The following FARS2 variants were observed in gnomAD, a reference collection of about 807,000 sequenced individuals.
FARS2 encodes the protein phenylalanyl-tRNA synthetase 2, mitochondrial, also known as phenylalanine--tRNA ligase, mitochondrial.
A neutral mutation model predicts 46.4 loss-of-function variants in FARS2; 40 were observed. The observed-to-expected ratio is 0.86, with a 90% CI of 0.67 to 1.12. FARS2 has a LOEUF of 1.12. Among genes scored for constraint, FARS2 ranks in the 50% most tolerant of loss-of-function variants. FARS2 has a pLI of 0.00. For missense variants in FARS2, 513 were observed against 567.9 expected (o/e 0.90, Z 0.98); for synonymous variants, 234 against 214.9 (o/e 1.09, Z -0.78).
At chr6:5,411,656 G>A (rs891474295) in intron 3 of FARS2, among the ~76,000 whole-genome samples, 1 of 152,178 alleles carries the variant, frequency 6.6e-6, no homozygotes, top group African/African-American at 2.4e-5. Context: ...CCTTGTGGCA[G>A]TATGTTATTA....
the FARS2 span, among the ~76,000 whole-genome samples, chr6:5,254,374 G>A: frequency 4.7e-3 from 717 of 152,288 alleles, 2 homozygotes; most frequent in African/African-American, 0.015. Flanking sequence ...GTAGAATCCC[G>A]AAGCACGGAT....
chr6:5,570,946 A>G (rs112836695), intron 5 of FARS2, among the ~76,000 whole-genome samples: 157 of 152,358 alleles, frequency 1.0e-3, no homozygotes, highest in Non-Finnish European at 2.0e-3. Flanking sequence ...AATAATTTCC[A>G]TTTATCATCT....
chr6:5,742,162 A>G (rs1761384546), intron 6 of FARS2, among the ~76,000 whole-genome samples: 1 of 152,152 alleles, frequency 6.6e-6, no homozygotes, highest in Admixed American at 6.5e-5. Context: ...CTGCTCCTAC[A>G]TTCTTTCCTA....
chr6:5,539,511 T>C (rs1395895762), intron 4 of FARS2, among the ~76,000 whole-genome samples: 9 of 151,536 alleles, frequency 5.9e-5, no homozygotes, highest in East Asian at 5.8e-4. Flanking sequence ...GGATTACAGG[T>C]GTGAGCTACC....
chr6:5,296,400 C>T (rs573467063), intron 1 of FARS2, among the ~76,000 whole-genome samples: 2 of 152,284 alleles, frequency 1.3e-5, no homozygotes, highest in South Asian at 4.1e-4. Flanking sequence ...CTTGGCCTCC[C>T]AAAGTGCTGG....
At chr6:5,739,574 G>A (rs1289097561) in intron 6 of FARS2, among the ~76,000 whole-genome samples, 3 of 152,240 alleles carry the variant, frequency 2.0e-5, no homozygotes, top group Non-Finnish European at 2.9e-5. Context: ...TGTGTAGGAG[G>A]CAGGACCATC....
chr6:5,389,675 C>CT (rs1469132586), intron 2 of FARS2, among the ~76,000 whole-genome samples: 5 of 152,144 alleles, frequency 3.3e-5, no homozygotes, highest in Non-Finnish European at 7.3e-5. Flanking sequence ...GACTTACCAC[C>CT]TGCTTGAAAA....
intron 5 of FARS2, among the ~76,000 whole-genome samples, chr6:5,555,801 A>G (rs781772674): frequency 6.6e-6 from 1 of 152,148 alleles, no homozygotes; most frequent in Non-Finnish European, 1.5e-5. Flanking sequence ...ACTAATAGGA[A>G]GGGATACAGG....
chr6:5,531,511 A>T (rs879413286), intron 4 of FARS2, among the ~76,000 whole-genome samples: 2 of 152,218 alleles, frequency 1.3e-5, no homozygotes, highest in Non-Finnish European at 2.9e-5. Flanking sequence ...TAAGTTGATT[A>T]GAATGCCATC....
At chr6:5,377,631 A>G (rs957083282) in intron 2 of FARS2, among the ~76,000 whole-genome samples, 1 of 152,120 alleles carries the variant, frequency 6.6e-6, no homozygotes, top group Non-Finnish European at 1.5e-5. Flanking sequence ...TAGTTCTCAA[A>G]CTTGAGTGTA....
chr6:5,535,455 G>A (rs973902931), intron 4 of FARS2, among the ~76,000 whole-genome samples: 1 of 152,202 alleles, frequency 6.6e-6, no homozygotes, highest in Admixed American at 6.5e-5. Context: ...TCTGCAAATA[G>A]AGATAATTTT....
At chr6:5,449,352 CA>C (rs5873985) in intron 4 of FARS2, among the ~76,000 whole-genome samples, 12 of 120,854 alleles carry the variant, frequency 9.9e-5, no homozygotes, top group Admixed American at 1.8e-4. Context: ...GACTCCATCT[CA>C]AAAAAAAAAA....
chr6:5,254,081 T>C, the FARS2 span, among the ~76,000 whole-genome samples: 4 of 152,190 alleles, frequency 2.6e-5, no homozygotes, highest in African/African-American at 9.7e-5. Context: ...CCGGCAAAAC[T>C]GTTTCATCTG....
At chr6:5,719,084 T>G (rs1759703946) in intron 6 of FARS2, among the ~76,000 whole-genome samples, 1 of 152,270 alleles carries the variant, frequency 6.6e-6, no homozygotes, top group Non-Finnish European at 1.5e-5. Context: ...TATGCTCATC[T>G]GAAGTAAAGG....
rs116567033 is a variant in FARS2 at position 5,404,666 on chromosome 6, C to T, written c.737C>T (p.Thr246Met). 10,638 of 1,606,620 alleles carry T rather than the reference C, an allele frequency of 6.6e-3. 55 individuals are homozygous for T. Among genetic ancestry groups the T allele is most frequent in the Non-Finnish European group, 8.1e-3 (9,520 of 1,175,990 alleles). Residue 246 changes from threonine (T) to methionine (M), a missense_variant, in exon 3 of 7, where the codon ACG becomes ATG. Coordinates refer to ENST00000274680, the MANE Select transcript of FARS2 (RefSeq NM_006567.5). ...VKLVEFDLKQ[T>M]LTRLMAHLFG... ...CTTGTAGAGTTTGATCTTAAGCAAA[C>T]GCTTACCAGGCTCATGGCACATCTT...
chr6:5,551,110 G>C (rs972474771), intron 5 of FARS2, among the ~76,000 whole-genome samples: 4 of 152,100 alleles, frequency 2.6e-5, no homozygotes, highest in Non-Finnish European at 5.9e-5. Context: ...GTTTTCTCCT[G>C]CAAGAATAAA....
Position 5,459,232 on chromosome 6 carries a change from A to G in FARS2, c.904+28060A>G, listed in dbSNP as rs577779973. 2.0e-5 allele frequency among the ~76,000 whole-genome samples: 3 copies of G among 152,352 alleles called. No individual in the cohort carries two copies. The East Asian group carries it at 5.8e-4, about 29-fold the overall frequency. ...TCTAGAAATGGAAACTCTTGGATAC[A>G]TCAGAAACAAATTTGAATTTAGGCA... On this transcript the variant is annotated intron_variant, in intron 4 of 6. Coordinates refer to ENST00000274680, the MANE Select transcript of FARS2 (RefSeq NM_006567.5).
intron 6 of FARS2, among the ~76,000 whole-genome samples, chr6:5,638,445 G>A (rs1197874929): frequency 6.6e-6 from 1 of 152,176 alleles, no homozygotes; most frequent in Admixed American, 6.5e-5. Context: ...CGTGCCTGTA[G>A]TCCCAGCTAC....
At chr6:5,356,161 C>A (rs576448415) in intron 1 of FARS2, among the ~76,000 whole-genome samples, 1 of 152,082 alleles carries the variant, frequency 6.6e-6, no homozygotes, top group South Asian at 2.1e-4. Context: ...TTAAAAATGA[C>A]GAGACGGCTA....
Sources: gnomAD v4.1 joint callset for allele counts (sites outside exome capture counted in the v4.1 genomes callset) on GRCh38, gnomAD v4.1.1 for gene constraint, MANE v1.5 for transcripts, NCBI Gene and HGNC (gene_info 2026-07-23, HGNC 2026-07-21) for gene names.